Variants in NLRP3 observed in about 807,000 individuals in gnomAD.
NLRP3 encodes the protein NACHT, LRR and PYD domains-containing protein 3.
In NLRP3, 48 loss-of-function variants were observed where a neutral mutation model predicts 91.3. The ratio of observed to expected loss-of-function variants is 0.53; its 90% CI spans 0.42 to 0.67. The LOEUF (loss-of-function observed/expected upper bound fraction) is 0.67. Among genes scored for constraint, NLRP3 ranks in the 30% least tolerant of loss-of-function variants. NLRP3 has a pLI of 0.00. For synonymous variants in NLRP3, 561 were observed against 507.9 expected (o/e 1.10, Z -1.41); for missense variants, 982 against 1,276.9 (o/e 0.77, Z 3.52).
rs751365115 is a variant in NLRP3, at chr1:247,434,256, C to T, written c.2475C>T (p.Cys825=). 5.6e-5 allele frequency: 91 copies of T among 1,614,094 alleles called. No individual in the cohort carries two copies. The highest frequency in any genetic ancestry group is 7.3e-5 in the Non-Finnish European group (86 of 1,180,034). ...GTGTGGGACTGAAGCACCTGTTGTG[C>T]AATCTGAAGAAGCTCTGGTGAGTCG... ...LLCVGLKHLL[C]NLKKLWLVSC... is the part of the protein sequence containing the mutation. The change falls in exon 6 of 10, where the codon TGC becomes TGT. Residue 825 remains cysteine, a synonymous_variant. Coordinates refer to ENST00000336119, the MANE Select transcript of NLRP3 (RefSeq NM_001243133.2).
At chr1:247,430,638 T>TA (rs1161491697) in intron 5 of NLRP3, among the ~76,000 whole-genome samples, 4 of 150,828 alleles carry the variant, frequency 2.7e-5, no homozygotes, top group African/African-American at 4.9e-5. Flanking sequence ...AATGAGGAAC[T>TA]AAAAAAAAAG....
chr1:247,436,170 A>G, intron 7 of NLRP3, 30 bp downstream of exon 7: 1 of 1,611,036 alleles, frequency 6.2e-7, no homozygotes, highest in South Asian at 1.1e-5. Flanking sequence ...TTACCAGAAA[A>G]GTAACTTCTT....
intron 5 of NLRP3, among the ~76,000 whole-genome samples, chr1:247,433,027 A>G (rs1663455271): frequency 6.6e-6 from 1 of 151,710 alleles, no homozygotes; most frequent in African/African-American, 2.4e-5. Flanking sequence ...AGATAATAAT[A>G]ATAATAAAAA....
intron 4 of NLRP3, among the ~76,000 whole-genome samples, chr1:247,429,163 G>T (rs1229765018): frequency 1.3e-5 from 2 of 152,182 alleles, no homozygotes; most frequent in African/African-American, 4.8e-5. Flanking sequence ...AAAGTGCTGG[G>T]ATTACAGGTG....
chr1:247,432,695 T>C (rs80064954), intron 5 of NLRP3, among the ~76,000 whole-genome samples: 458 of 152,146 alleles, frequency 3.0e-3, no homozygotes, highest in Admixed American at 6.4e-3. Flanking sequence ...TTGCTTGAAG[T>C]TGGTGTAAGG....
In NLRP3 at chr1:247,444,072, C is replaced by G; in HGVS notation, c.2764C>G (p.Leu922Val). ...LTHLYLRGNT[L>V]GDKGIKLLCE... Reference sequence around the variant, plus strand: ...GCACCTTTACCTGCGAGGCAACACTCTCGGAGACAAGGGGATCAAACTACT... The same window carrying G: ...GCACCTTTACCTGCGAGGCAACACTGTCGGAGACAAGGGGATCAAACTACT... Residue 922 changes from leucine (L) to valine (V), a missense_variant, in exon 8 of 10, where the codon CTC becomes GTC. This residue lies in a region of NLRP3 where 373 missense variants were observed against 431.5 expected (regional missense o/e 0.86). Transcript: ENST00000336119. 1 of 1,614,210 alleles carries G rather than the reference C, an allele frequency of 6.2e-7. No individual in the cohort carries two copies. The highest frequency in any genetic ancestry group is 8.5e-7 in the Non-Finnish European group (1 of 1,180,038).
intron 2 of NLRP3, among the ~76,000 whole-genome samples, chr1:247,420,069 G>A (rs1296647334): frequency 2.0e-5 from 3 of 152,158 alleles, no homozygotes; most frequent in African/African-American, 4.8e-5. Context: ...CTAAGAACAC[G>A]TTATTTTTAT....
Position 247,444,091 on chromosome 1 carries a change from A to G in NLRP3, c.2783A>G (p.Lys928Arg), listed in dbSNP as rs201868242. The change falls in exon 8 of 10, where the codon AAA becomes AGA. Residue 928 changes from lysine to arginine, a missense_variant. Lys to Arg is a conservative substitution (Grantham distance 26). Around this residue, in one of 5 missense-constraint regions of NLRP3, gnomAD observed 373 missense variants for 431.5 expected, o/e 0.86. Coordinates refer to ENST00000336119, the MANE Select transcript of NLRP3 (RefSeq NM_001243133.2). ...RGNTLGDKGIKLLCEGLLHPD... is the reference protein window; with the variant it reads ...RGNTLGDKGIRLLCEGLLHPD... ...AACACTCTCGGAGACAAGGGGATCA[A>G]ACTACTCTGTGAGGGACTCTTGCAC... 1.9e-6 allele frequency: 3 copies of G among 1,614,208 alleles called. No homozygotes were observed. The highest frequency in any genetic ancestry group is 1.7e-6 in the Non-Finnish European group (2 of 1,180,040).
chr1:247,441,203 CT>C (rs1490547297), intron 7 of NLRP3, among the ~76,000 whole-genome samples: 10 of 118,228 alleles, frequency 8.5e-5, no homozygotes, highest in South Asian at 3.1e-4. Flanking sequence ...TCCCCCCCCC[CT>C]TTCCCTTTCC....
At position 247,423,325 on chromosome 1, in the gene NLRP3, A is replaced by C; in HGVS notation, c.373A>C (p.Ile125Leu). Residue 125 changes from isoleucine (I) to leucine (L), a missense_variant, in exon 3 of 10, where the codon ATC becomes CTC. Transcript: ENST00000336119. ...WMGLLEYLSR[I>L]SICKMKKDYR... The stretch of plus-strand genomic sequence containing the variant: ...GGGTTTACTGGAGTACCTTTCGAGA[A>C]TCTCTATTTGTAAAATGAAGAAAGG... 6.2e-7 allele frequency: 1 copy of C among 1,611,394 alleles called. No individual in the cohort carries two copies.
At chr1:247,428,690 C>T (rs936187816) in intron 4 of NLRP3, among the ~76,000 whole-genome samples, 3 of 152,054 alleles carry the variant, frequency 2.0e-5, no homozygotes, top group Non-Finnish European at 1.5e-5. Flanking sequence ...CACAGTGACT[C>T]GTGCCTGTAA....
chr1:247,428,905 T>C (rs1233529394), intron 4 of NLRP3, among the ~76,000 whole-genome samples: 1 of 151,608 alleles, frequency 6.6e-6, no homozygotes, highest in African/African-American at 2.4e-5. Flanking sequence ...TCTTTTTTTT[T>C]TTTTTGAGAT....
intron 7 of NLRP3, among the ~76,000 whole-genome samples, chr1:247,441,042 CA>C (rs1453369960): frequency 6.6e-6 from 1 of 152,032 alleles, no homozygotes; most frequent in East Asian, 1.9e-4. Flanking sequence ...AATAAATACT[CA>C]AAAAATGTTT....
chr1:247,448,191 G>T (rs1291162425), intron 9 of NLRP3, among the ~76,000 whole-genome samples: 6 of 151,550 alleles, frequency 4.0e-5, no homozygotes, highest in African/African-American at 1.5e-4. Flanking sequence ...AAGAAGGTGC[G>T]GAGTCTCGCG....
At chr1:247,434,359 T>A in intron 6 of NLRP3, 86 bp downstream of exon 6, 1 of 1,453,576 alleles carries the variant, frequency 6.9e-7, no homozygotes, top group Non-Finnish European at 9.7e-7. Context: ...TGGGCTGGGG[T>A]TTGAGTGAGA....
rs199765599 is a variant in NLRP3 at position 247,429,720 on chromosome 1, G to T, written c.2286G>T (p.Thr762=). Residue 762 remains threonine, a synonymous_variant, in exon 5 of 10, where the codon ACG becomes ACT. Transcript: ENST00000336119. ...GDPGMRVLCE[T]LQHPGCNIRR... ...CAGGGATGAGAGTGTTGTGTGAAAC[G>T]CTCCAGCATCCTGGCTGTAACATTC... is the stretch of plus-strand genomic sequence containing the variant. 1 of 1,614,038 alleles carries T rather than the reference G, an allele frequency of 6.2e-7. No individual in the cohort carries two copies. The highest frequency in any genetic ancestry group is 8.5e-7 in the Non-Finnish European group (1 of 1,179,976).
chr1:247,429,673 A>G lies in NLRP3; in HGVS notation c.2239A>G (p.Ser747Gly). 1 of 1,614,154 alleles carries G rather than the reference A, an allele frequency of 6.2e-7. No individual in the cohort carries two copies. ...TSQSLTELDL[S>G]DNSLGDPGMR... ...CCAGAGTCTAACTGAATTGGACCTC[A>G]GTGACAATTCTCTGGGGGACCCAGG... The change falls in exon 5 of 10, where the codon AGT (serine) becomes GGT (glycine). Residue 747 changes from serine (S) to glycine (G), a missense_variant. By Grantham distance (56) the Ser-to-Gly change is moderately conservative (BLOSUM62 0). Coordinates refer to ENST00000336119, the MANE Select transcript of NLRP3 (RefSeq NM_001243133.2).
At chr1:247,440,138 G>A (rs192053257) in intron 7 of NLRP3, among the ~76,000 whole-genome samples, 1 of 134,148 alleles carries the variant, frequency 7.5e-6, no homozygotes, top group East Asian at 2.3e-4. Flanking sequence ...TATGTGTTAG[G>A]TATAGCTACA....
chr1:247,430,383 TCTC>T (rs1400099075), intron 5 of NLRP3, among the ~76,000 whole-genome samples: 1 of 152,082 alleles, frequency 6.6e-6, no homozygotes, highest in African/African-American at 2.4e-5. Context: ...AGTGGCCTAG[TCTC>T]CTCTTCTTAC....
Sources: gnomAD v4.1 joint callset for allele counts (sites outside exome capture counted in the v4.1 genomes callset) on GRCh38, gnomAD v4.1.1 for gene constraint, gnomAD v4.1.1 regional missense constraint, MANE v1.5 for transcripts, NCBI Gene and HGNC (gene_info 2026-07-23, HGNC 2026-07-21) for gene names.